Variants in TF observed in about 807,000 individuals in gnomAD.
TF encodes transferrin, also known as serotransferrin.
In TF, 55 loss-of-function variants were observed where a neutral mutation model predicts 82.4. The observed-to-expected ratio is 0.67, with a 90% CI of 0.54 to 0.84. TF has a LOEUF of 0.84. TF is among the 40% of genes least tolerant of loss of function. TF has a pLI of 0.00. For missense variants in TF, 737 were observed against 868.4 expected (o/e 0.85, Z 1.90); for synonymous variants, 332 against 332.6 (o/e 1.00, Z 0.02).
intron 8 of TF, 115 bp downstream of exon 8, chr3:133,758,061 C>G: frequency 1.0e-6 from 1 of 970,942 alleles, no homozygotes; most frequent in Non-Finnish European, 1.6e-6. Flanking sequence ...GCTCCTTTTT[C>G]TGACCTGTCT....
chr3:133,762,168 C>G (rs956520758), intron 9 of TF: 1 of 216,748 alleles, frequency 4.6e-6, no homozygotes, highest in African/African-American at 2.3e-5. Flanking sequence ...CTATGTTTCC[C>G]TTGGGAAAGT....
chr3:133,737,124 C>A, the TF span, among the ~76,000 whole-genome samples: 193 of 152,298 alleles, frequency 1.3e-3, no homozygotes, highest in African/African-American at 4.3e-3. Flanking sequence ...TCTCTCAGAC[C>A]ACAGTGCAAT....
chr3:133,767,966 C>G, intron 12 of TF, 63 bp from the exon 13 acceptor site: 8 of 1,607,618 alleles, frequency 5.0e-6, no homozygotes, highest in Non-Finnish European at 6.0e-6. Flanking sequence ...CCTGTTATCT[C>G]TTAAATAAAA....
chr3:133,794,661 A>C lies in TF; in HGVS notation c.*16041A>C, dbSNP rs1426690001. The stretch of plus-strand genomic sequence containing the variant: ...CTTTGAACTTTGGGTTCATGATCTC[A>C]CAACTGAGAAGAGTCCCTCCACACT... On this transcript the variant is annotated 3_prime_UTR_variant, in exon 17 of 17. Transcript: ENST00000402696. The C allele has an allele frequency of 6.6e-6, 1 of 152,186 alleles. No individual in the cohort carries two copies. The highest frequency in any genetic ancestry group is 1.9e-4 in the East Asian group (1 of 5,192). The allele number at this position is 152,186 out of a possible 1,614,324, so 9.4% of individuals were successfully genotyped here.
chr3:133,732,972 C>T, the TF span, among the ~76,000 whole-genome samples: 5 of 152,286 alleles, frequency 3.3e-5, no homozygotes, highest in Middle Eastern at 6.8e-3. Context: ...TCAGGGAGAA[C>T]CAGGGCCAGG....
In TF at chr3:133,782,097, A is replaced by G. The variant is rs1934526692; in HGVS notation, c.*3477A>G. The G allele has an allele frequency of 6.6e-6, 1 of 152,238 alleles. No individual in the cohort carries two copies. The highest frequency in any genetic ancestry group is 2.4e-5 in the African/African-American group (1 of 41,452). The allele number at this position is 152,238 out of a possible 1,614,324, so 9.4% of individuals were successfully genotyped here. On this transcript the variant is annotated 3_prime_UTR_variant, in exon 17 of 17. Coordinates refer to ENST00000402696, the MANE Select transcript of TF (RefSeq NM_001063.4). ...AAATGTGAATTGAAACCATTATGAG[A>G]CACTAGATAATAATAGGATGACTAT...
chr3:133,776,908 G>C (rs1934406741), intron 15 of TF, 141 bp from the exon 16 acceptor site: 1 of 743,224 alleles, frequency 1.3e-6, no homozygotes. Flanking sequence ...GCAGATAAAG[G>C]AGGTGGAAAA....
At chr3:133,748,882 G>A (rs982642455) in intron 2 of TF, among the ~76,000 whole-genome samples, 4 of 152,150 alleles carry the variant, frequency 2.6e-5, no homozygotes, top group African/African-American at 7.2e-5. Context: ...CTATCAGGCT[G>A]GGCGCGGTGG....
chr3:133,694,728 C>G, the TF span, among the ~76,000 whole-genome samples: 2 of 152,232 alleles, frequency 1.3e-5, no homozygotes, highest in African/African-American at 2.4e-5. Context: ...GTACCTCGCC[C>G]CATCTCCCTC....
chr3:133,733,537 G>A, the TF span, among the ~76,000 whole-genome samples: 1 of 152,152 alleles, frequency 6.6e-6, no homozygotes, highest in African/African-American at 2.4e-5. Flanking sequence ...CTGTCAGCCT[G>A]GGGGGTCAAG....
chr3:133,701,588 C>T, the TF span, among the ~76,000 whole-genome samples: 1 of 152,192 alleles, frequency 6.6e-6, no homozygotes, highest in Non-Finnish European at 1.5e-5. Flanking sequence ...CAGAACAGAA[C>T]TCGTGACTGC....
the TF span, chr3:133,699,499 A>G: frequency 8.6e-7 from 1 of 1,163,814 alleles, no homozygotes; most frequent in East Asian, 4.7e-5. Flanking sequence ...TGCCTGAACA[A>G]CACCCAGAAG....
chr3:133,692,069 A>G, the TF span, among the ~76,000 whole-genome samples: 1 of 152,232 alleles, frequency 6.6e-6, no homozygotes, highest in Non-Finnish European at 1.5e-5. Flanking sequence ...GCTGTAGGGT[A>G]TCTCCAGCCT....
upstream of TF, among the ~76,000 whole-genome samples, chr3:133,741,915 A>G (rs936285473): frequency 2.6e-5 from 4 of 152,186 alleles, no homozygotes; most frequent in Non-Finnish European, 5.9e-5. Context: ...CTAAGTATAC[A>G]TACTGTCCTC....
chr3:133,781,054 C>T lies in TF; in HGVS notation c.*2434C>T, dbSNP rs1934505831. ...TAATAATAGGCAGGGCGTGGTGGCT[C>T]ACACCTGTAATCTCAGCACTTTGGG... On this transcript the variant is annotated 3_prime_UTR_variant, in exon 17 of 17. Coordinates refer to ENST00000402696, the MANE Select transcript of TF (RefSeq NM_001063.4). 1 of 151,842 alleles carries T rather than the reference C, an allele frequency of 6.6e-6. No homozygotes were observed. Among genetic ancestry groups the T allele is most frequent in the Admixed American group, 6.6e-5 (1 of 15,226 alleles). The allele number at this position is 151,842 out of a possible 1,614,324, so 9.4% of individuals were successfully genotyped here. A position where few individuals can be genotyped will look rare whatever the true frequency, so the allele number is the denominator to read the frequency against.
the TF span, among the ~76,000 whole-genome samples, chr3:133,706,404 A>C: frequency 1.8e-3 from 270 of 152,320 alleles, 1 homozygote; most frequent in Non-Finnish European, 3.3e-3. Context: ...TTGTGCCTCC[A>C]GATAAGCAGA....
At chr3:133,681,778 G>C in the TF span, among the ~76,000 whole-genome samples, 1 of 152,192 alleles carries the variant, frequency 6.6e-6, no homozygotes, top group Non-Finnish European at 1.5e-5. Flanking sequence ...CTGGGGGCAG[G>C]GCACAGCTGA....
intron 1 of TF, 104 bp downstream of exon 1, chr3:133,746,587 A>C: frequency 7.5e-7 from 1 of 1,337,434 alleles, no homozygotes; most frequent in Non-Finnish European, 1.0e-6. Context: ...CTCAGGCTGG[A>C]AGCCTGGGTG....
chr3:133,728,098 A>G, the TF span, among the ~76,000 whole-genome samples: 2 of 151,944 alleles, frequency 1.3e-5, no homozygotes, highest in African/African-American at 2.4e-5. Flanking sequence ...TTTTTCCTTC[A>G]TTTCAACTTT....
Sources: allele counts gnomAD v4.1 joint callset (sites outside exome capture counted in the v4.1 genomes callset), GRCh38; gene constraint gnomAD v4.1.1; transcripts MANE v1.5; gene names NCBI Gene and HGNC (gene_info 2026-07-23, HGNC 2026-07-21).